Variants in CTNNA3 observed in about 807,000 individuals in gnomAD.
CTNNA3 encodes the protein catenin alpha-3.
A neutral mutation model predicts 95.7 loss-of-function variants in CTNNA3; 76 were observed. The observed-to-expected ratio is 0.79, with a 90% CI of 0.66 to 0.96. The LOEUF is 0.96. Ranked by LOEUF, CTNNA3 falls within the 40% of genes least tolerant of loss-of-function variation. The pLI is 0.00. For synonymous variants in CTNNA3, 431 were observed against 374.4 expected, an observed-to-expected ratio of 1.15 and a Z score of -1.74; for missense variants, 1,191 against 1,089.8, an observed-to-expected ratio of 1.09 and a Z score of -1.31.
rs1438415179 is a variant in CTNNA3, at chr10:65,917,157, A to T, written c.*3173T>A. 6.6e-6 allele frequency: 1 copy of T among 152,180 alleles called. No homozygotes were observed. The highest frequency in any genetic ancestry group is 1.9e-4 in the East Asian group (1 of 5,186). The allele number at this position is 152,180 out of a possible 1,614,324, so 9.4% of individuals were successfully genotyped here. A position where few individuals can be genotyped will look rare whatever the true frequency, so the allele number is the denominator to read the frequency against. On this transcript the variant is annotated 3_prime_UTR_variant, in exon 18 of 18. Transcript: ENST00000433211. ...TTGATCTTATGTTAAAAGATTTCAAAGGCCAGAAGGCACACTTGTGAATGT... is the reference window on the plus strand; with the variant it reads ...TTGATCTTATGTTAAAAGATTTCAATGGCCAGAAGGCACACTTGTGAATGT...
intron 7 of CTNNA3, among the ~76,000 whole-genome samples, chr10:67,070,538 G>A (rs563140625): frequency 8.2e-4 from 125 of 152,120 alleles, no homozygotes; most frequent in African/African-American, 2.8e-3. Context: ...AACAAGGTCC[G>A]GAGATCGAGA....
At chr10:66,447,722 C>T (rs112239296) in intron 11 of CTNNA3, among the ~76,000 whole-genome samples, 1 of 152,060 alleles carries the variant, frequency 6.6e-6, no homozygotes, top group African/African-American at 2.4e-5. Context: ...CCATAAAAAT[C>T]CTAGAAGAAA....
At chr10:67,068,036 C>T (rs10822970) in intron 7 of CTNNA3, among the ~76,000 whole-genome samples, 20,552 of 152,092 alleles carry the variant, frequency 0.14, 1,839 homozygotes, top group African/African-American at 0.26. Flanking sequence ...AAAGAACATC[C>T]TAGTAAGAGA....
chr10:66,123,570 G>A (rs955613759), intron 13 of CTNNA3, among the ~76,000 whole-genome samples: 2 of 152,162 alleles, frequency 1.3e-5, no homozygotes, highest in Non-Finnish European at 2.9e-5. Flanking sequence ...TAGGGACTCT[G>A]TATAGGGGCT....
At position 66,381,169 on chromosome 10, in the gene CTNNA3, C is replaced by T. The variant is rs533504656; in HGVS notation, c.1532-1817G>A. Among the ~76,000 whole-genome samples the T allele has an allele frequency of 1.1e-3, 170 of 152,204 alleles. 1 individual carries two copies. Among genetic ancestry groups the T allele is most frequent in the Middle Eastern group, 0.01 (3 of 294 alleles). ...TCTGTTATACATATTTTATGATTTCCAAAATCCTTCATGATCTTCCATGCC... is the reference window on the plus strand; with the variant it reads ...TCTGTTATACATATTTTATGATTTCTAAAATCCTTCATGATCTTCCATGCC... On this transcript the variant is annotated intron_variant, in intron 11 of 17. Transcript: ENST00000433211.
At chr10:66,538,677 C>A (rs533758496) in intron 10 of CTNNA3, among the ~76,000 whole-genome samples, 1 of 152,210 alleles carries the variant, frequency 6.6e-6, no homozygotes, top group Non-Finnish European at 1.5e-5. Flanking sequence ...GTTAGATAGA[C>A]TAACCATTGA....
chr10:66,818,542 A>G (rs1842175949), intron 7 of CTNNA3, among the ~76,000 whole-genome samples: 1 of 152,202 alleles, frequency 6.6e-6, no homozygotes, highest in African/African-American at 2.4e-5. Flanking sequence ...AACAAATTTA[A>G]CAAAGGAAGT....
At chr10:66,295,639 C>T (rs975040587) in intron 12 of CTNNA3, among the ~76,000 whole-genome samples, 2 of 152,288 alleles carry the variant, frequency 1.3e-5, no homozygotes, top group South Asian at 4.1e-4. Context: ...CAAAACCAGA[C>T]TCAGCTGACC....
intron 3 of CTNNA3, among the ~76,000 whole-genome samples, chr10:67,602,513 T>A (rs1286253078): frequency 6.6e-6 from 1 of 152,240 alleles, no homozygotes; most frequent in Admixed American, 6.5e-5. Flanking sequence ...ACCAAATGAA[T>A]CTGTTGTGTA....
intron 10 of CTNNA3, among the ~76,000 whole-genome samples, chr10:66,537,529 G>A (rs905652791): frequency 1.3e-5 from 2 of 151,170 alleles, no homozygotes; most frequent in East Asian, 3.9e-4. Flanking sequence ...GTCACTCAAG[G>A]AAAGGGAATT....
At position 67,026,179 on chromosome 10, in the gene CTNNA3, A is replaced by G. The variant is rs374263916; in HGVS notation, c.1047+154138T>C. Among the ~76,000 whole-genome samples the G allele has an allele frequency of 1.3e-4, 19 of 151,608 alleles. No individual in the cohort carries two copies. The East Asian group carries it at 1.4e-3, about 11-fold the overall frequency. On this transcript the variant is annotated intron_variant, in intron 7 of 17. Coordinates refer to ENST00000433211, the MANE Select transcript of CTNNA3 (RefSeq NM_013266.4). ...TGCTAAATGACGAGTTAATGGGTGC[A>G]GCACACCAGCATGGCACATGTATAC...
At chr10:67,430,820 T>TACACAC (rs371146065) in intron 5 of CTNNA3, among the ~76,000 whole-genome samples, 3,218 of 138,764 alleles carry the variant, frequency 0.023, 65 homozygotes, top group East Asian at 0.061. Flanking sequence ...CAAACATAAC[T>TACACAC]ACACACACAC....
At chr10:66,458,770 A>T (rs534233182) in intron 11 of CTNNA3, among the ~76,000 whole-genome samples, 3 of 152,304 alleles carry the variant, frequency 2.0e-5, no homozygotes, top group African/African-American at 7.2e-5. Context: ...TTCTTTTTAA[A>T]AGCTGAATAA....
At chr10:66,235,307 T>A (rs2089793821) in intron 13 of CTNNA3, among the ~76,000 whole-genome samples, 1 of 151,956 alleles carries the variant, frequency 6.6e-6, no homozygotes, top group African/African-American at 2.4e-5. Context: ...TTATTTCCAA[T>A]TTTTAGTTTT....
intron 13 of CTNNA3, among the ~76,000 whole-genome samples, chr10:66,162,279 C>T (rs2084893913): frequency 6.6e-6 from 1 of 152,008 alleles, no homozygotes; most frequent in African/African-American, 2.4e-5. Flanking sequence ...GTTGAAGAGC[C>T]TTGTTTTGTC....
chr10:67,144,553 A>G (rs1214393878), intron 7 of CTNNA3, among the ~76,000 whole-genome samples: 1 of 152,238 alleles, frequency 6.6e-6, no homozygotes, highest in African/African-American at 2.4e-5. Flanking sequence ...CAGCTTTTAC[A>G]TCAGTACTTG....
intron 12 of CTNNA3, among the ~76,000 whole-genome samples, chr10:66,346,246 T>TAGAGAGAGAGAGAGAG (rs371257440): frequency 3.6e-5 from 1 of 27,786 alleles, no homozygotes; most frequent in Non-Finnish European, 7.6e-5. Context: ...TATATATATA[T>TAGAGAGAGAGAGAGAG]AGAGAGAGAG....
At chr10:66,028,577 A>C (rs2079387064) in intron 15 of CTNNA3, among the ~76,000 whole-genome samples, 1 of 147,714 alleles carries the variant, frequency 6.8e-6, no homozygotes, top group Admixed American at 6.8e-5. Flanking sequence ...GGGGAACATC[A>C]CACACCAGGG....
chr10:67,048,886 T>G (rs1467866374), intron 7 of CTNNA3, among the ~76,000 whole-genome samples: 1 of 152,144 alleles, frequency 6.6e-6, no homozygotes, highest in Non-Finnish European at 1.5e-5. Context: ...TTATAAAACT[T>G]TATTATCCTG....
Sources: gnomAD v4.1 joint callset for allele counts (sites outside exome capture counted in the v4.1 genomes callset) on GRCh38, gnomAD v4.1.1 for gene constraint, MANE v1.5 for transcripts, NCBI Gene and HGNC (gene_info 2026-07-23, HGNC 2026-07-21) for gene names.